The following MGAM variants were observed in gnomAD, a reference collection of about 807,000 sequenced individuals.
The protein encoded by MGAM is alpha-1,4-glucosidase.
In MGAM, 253 loss-of-function variants were observed where a neutral mutation model predicts 358.8. That is an observed-to-expected ratio of 0.71 (90% CI 0.64 to 0.78). The LOEUF (loss-of-function observed/expected upper bound fraction) is 0.78. Among genes scored for constraint, MGAM ranks in the 30% least tolerant of loss-of-function variants. The pLI is 0.00. For synonymous variants in MGAM, 1,105 were observed against 1,227.1 expected, an observed-to-expected ratio of 0.90 and a Z score of 2.08; for missense variants, 3,080 against 3,432.6, an observed-to-expected ratio of 0.90 and a Z score of 2.57.
chr7:142,099,101 A>AT (rs1816212111), intron 66 of MGAM, among the ~76,000 whole-genome samples: 1 of 152,174 alleles, frequency 6.6e-6, no homozygotes, highest in Non-Finnish European at 1.5e-5. Flanking sequence ...AAATGAGAGG[A>AT]TTTTGCCTAC....
chr7:142,077,339 A>T (rs1316798316), intron 47 of MGAM, among the ~76,000 whole-genome samples: 4 of 144,984 alleles, frequency 2.8e-5, no homozygotes, highest in African/African-American at 9.7e-5. Context: ...CATTGTTGGG[A>T]GTGGGAGTGG....
chr7:142,053,778 C>T (rs910543808), intron 26 of MGAM, among the ~76,000 whole-genome samples: 24 of 152,246 alleles, frequency 1.6e-4, no homozygotes, highest in African/African-American at 4.8e-4. Context: ...TACAATCTGA[C>T]ATCAACCCGA....
intron 9 of MGAM, 84 bp downstream of exon 9, chr7:142,027,311 A>AC (rs1403989580): frequency 8.9e-7 from 1 of 1,120,270 alleles, no homozygotes; most frequent in African/African-American, 1.6e-5. Context: ...TGCAAGTGTG[A>AC]CCCACAAAAT....
At position 142,027,725 on chromosome 7, in the gene MGAM, A is replaced by C. The variant is rs781930552; in HGVS notation, c.1211A>C (p.Gln404Pro). Reference protein sequence around the residue: ...REVVERNRAAQLPYDVQHADI... With the variant: ...REVVERNRAAPLPYDVQHADI... ...GTCGTGGAGAGAAATCGCGCAGCAC[A>C]GCTCCCTTATGTAAGCAAGGTTTTC... The change falls in exon 10 of 71, where the codon CAG becomes CCG. Residue 404 changes from glutamine (Q) to proline (P), a missense_variant. Physicochemically the swap from Gln to Pro is moderately conservative, Grantham distance 76. Coordinates refer to ENST00000475668, the MANE Select transcript of MGAM (RefSeq NM_001365693.1). 1.2e-6 allele frequency: 2 copies of C among 1,608,570 alleles called. No homozygotes were observed. Among genetic ancestry groups the C allele is most frequent in the South Asian group, 2.2e-5 (2 of 89,844 alleles).
At chr7:141,992,933 T>C (rs1291953746), upstream of MGAM, among the ~76,000 whole-genome samples, 1 of 152,194 alleles carries the variant, frequency 6.6e-6, no homozygotes, top group African/African-American at 2.4e-5. Flanking sequence ...TTCCTTTCTT[T>C]CCTCTTTTAG....
At chr7:142,052,209 T>C in intron 24 of MGAM, 85 bp from the exon 25 acceptor site, 1 of 1,203,018 alleles carries the variant, frequency 8.3e-7, no homozygotes, top group Non-Finnish European at 1.1e-6. Flanking sequence ...AATTTCTATT[T>C]TTTTTTTATC....
intron 43 of MGAM, 109 bp downstream of exon 43, chr7:142,068,812 G>A (rs1442914971): frequency 1.0e-6 from 1 of 983,642 alleles, no homozygotes; most frequent in African/African-American, 1.5e-5. Flanking sequence ...CACCTGCTGT[G>A]TGGTCTTAGA....
chr7:142,036,533 G>A (rs1808010637), intron 17 of MGAM, among the ~76,000 whole-genome samples: 1 of 152,100 alleles, frequency 6.6e-6, no homozygotes, highest in Non-Finnish European at 1.5e-5. Flanking sequence ...TCAAACTTCT[G>A]TACGCTTTAT....
chr7:142,084,157 T>A (rs1467814996), intron 53 of MGAM, among the ~76,000 whole-genome samples: 1 of 146,174 alleles, frequency 6.8e-6, no homozygotes, highest in East Asian at 2.0e-4. Flanking sequence ...TATTTACAGA[T>A]GAAGAAACTG....
chr7:142,048,544 A>G (rs1810639246), intron 22 of MGAM, among the ~76,000 whole-genome samples: 1 of 65,720 alleles, frequency 1.5e-5, no homozygotes, highest in Non-Finnish European at 4.8e-5. Flanking sequence ...TGAAATTCTT[A>G]TGAGCAAATG....
At chr7:142,000,182 G>A (rs1024395975) in intron 1 of MGAM, among the ~76,000 whole-genome samples, 1 of 152,118 alleles carries the variant, frequency 6.6e-6, no homozygotes, top group East Asian at 1.9e-4. Context: ...CAGAAATATG[G>A]GGGTGAGTTA....
At chr7:142,083,253 A>C (rs1391618798) in intron 52 of MGAM, 48 bp from the exon 53 acceptor site, 2 of 1,372,138 alleles carry the variant, frequency 1.5e-6, no homozygotes, top group Non-Finnish European at 2.0e-6. Context: ...GGGGTGATTC[A>C]TGACGTGGAA....
intron 53 of MGAM, among the ~76,000 whole-genome samples, 186 bp downstream of exon 53, chr7:142,083,599 G>T (rs554605719): frequency 3.4e-5 from 5 of 146,492 alleles, no homozygotes; most frequent in Non-Finnish European, 7.7e-5. Flanking sequence ...TGTAAGCATT[G>T]CAGAATAGCA....
At chr7:142,018,049 G>T (rs1806109818) in intron 3 of MGAM, among the ~76,000 whole-genome samples, 1 of 152,132 alleles carries the variant, frequency 6.6e-6, no homozygotes, top group African/African-American at 2.4e-5. Flanking sequence ...GTTATCTATT[G>T]CTGTGTAATA....
Position 142,094,508 on chromosome 7 carries a change from C to G in MGAM, c.7306+11C>G, listed in dbSNP as rs1815705707. 1 of 1,550,012 alleles carries G rather than the reference C, an allele frequency of 6.5e-7. No homozygotes were observed. Among genetic ancestry groups the G allele is most frequent in the African/African-American group, 1.3e-5 (1 of 74,536 alleles). ...AGAAGTCTATCATTGGTGCGTGGGT[C>G]CTTCCCAGGGCCTGTGCCGGTAGGG... On this transcript the variant is annotated intron_variant, in intron 61 of 70. Coordinates refer to ENST00000475668, the MANE Select transcript of MGAM (RefSeq NM_001365693.1).
chr7:142,034,113 A>G (rs952021253), intron 14 of MGAM, 149 bp from the exon 15 acceptor site: 18 of 590,750 alleles, frequency 3.0e-5, no homozygotes, highest in African/African-American at 7.5e-5. Flanking sequence ...CCAAGTGGAT[A>G]GCATTCTAAT....
intron 3 of MGAM, among the ~76,000 whole-genome samples, chr7:142,012,106 C>T (rs1314147452): frequency 1.3e-5 from 2 of 152,114 alleles, no homozygotes; most frequent in Non-Finnish European, 2.9e-5. Context: ...TTCTAAAATT[C>T]CTGCTCTATT....
intron 17 of MGAM, 41 bp downstream of exon 17, chr7:142,036,326 A>C: frequency 1.4e-6 from 2 of 1,444,950 alleles, no homozygotes; most frequent in Non-Finnish European, 1.9e-6. Context: ...AATTTGGCAT[A>C]CATTAGGACT....
intron 8 of MGAM, 26 bp downstream of exon 8, chr7:142,025,175 A>T: frequency 6.5e-7 from 1 of 1,527,426 alleles, no homozygotes; most frequent in Non-Finnish European, 9.1e-7. Flanking sequence ...TGGAAAAAAC[A>T]AGCACAAGAG....
Sources: gnomAD v4.1 joint callset for allele counts (sites outside exome capture counted in the v4.1 genomes callset) on GRCh38, gnomAD v4.1.1 for gene constraint, MANE v1.5 for transcripts, NCBI Gene and HGNC (gene_info 2026-07-23, HGNC 2026-07-21) for gene names.